DCDC2C: variants seen among roughly 807,000 people sequenced by gnomAD.
The protein encoded by DCDC2C is doublecortin domain containing 2C.
DCDC2C carries 44 observed loss-of-function variants against 45.0 expected under a neutral mutation model. That is an observed-to-expected ratio of 0.98 (90% CI 0.77 to 1.26). The LOEUF (loss-of-function observed/expected upper bound fraction) is 1.26. DCDC2C is among the 50% of genes most tolerant of loss of function. The probability of loss-of-function intolerance (pLI) is 0.00; values close to 1 mark genes in which losing one functional copy is unlikely to be tolerated. For synonymous variants in DCDC2C, 187 were observed against 178.8 expected (o/e 1.05, Z -0.37); for missense variants, 447 against 468.9 (o/e 0.95, Z 0.43).
chr2:3,714,225 A>G (rs949942878), intron 2 of DCDC2C, among the ~76,000 whole-genome samples: 2 of 152,232 alleles, frequency 1.3e-5, no homozygotes, highest in African/African-American at 4.8e-5. Flanking sequence ...TGTAATAGAA[A>G]TGATTTTTAA....
At chr2:3,826,864 T>C (rs1671830708) in intron 10 of DCDC2C, among the ~76,000 whole-genome samples, 1 of 152,150 alleles carries the variant, frequency 6.6e-6, no homozygotes, top group South Asian at 2.1e-4. Flanking sequence ...GCCATGTGCA[T>C]TGCATCTCTG....
At chr2:3,809,339 T>C (rs191204284) in intron 10 of DCDC2C, among the ~76,000 whole-genome samples, 22 of 152,360 alleles carry the variant, frequency 1.4e-4, no homozygotes, top group Admixed American at 1.3e-3. Flanking sequence ...ATCTACATGC[T>C]AATGATATTG....
chr2:3,755,622 T>A (rs1669687955), intron 6 of DCDC2C, among the ~76,000 whole-genome samples: 1 of 152,172 alleles, frequency 6.6e-6, no homozygotes, highest in Non-Finnish European at 1.5e-5. Context: ...TATGGATGCA[T>A]ATGTGTGTGC....
intron 10 of DCDC2C, among the ~76,000 whole-genome samples, chr2:3,846,018 G>A (rs1036188431): frequency 6.6e-6 from 1 of 152,196 alleles, no homozygotes; most frequent in Non-Finnish European, 1.5e-5. Context: ...ACCTGTAGGG[G>A]TTAGGTGGCT....
At chr2:3,705,228 C>T (rs931426005) in intron 1 of DCDC2C, among the ~76,000 whole-genome samples, 2 of 152,156 alleles carry the variant, frequency 1.3e-5, no homozygotes, top group African/African-American at 4.8e-5. Context: ...GTGAATTTAC[C>T]ATTCAGTTGT....
chr2:3,767,352 C>T (rs935918892), intron 6 of DCDC2C, among the ~76,000 whole-genome samples: 5 of 152,216 alleles, frequency 3.3e-5, no homozygotes, highest in African/African-American at 9.6e-5. Flanking sequence ...CCAGCAGGAA[C>T]GGCTTTGTGA....
chr2:3,776,997 C>T lies in DCDC2C; in HGVS notation c.955-1819C>T, dbSNP rs369402779. On this transcript the variant is annotated intron_variant, in intron 8 of 10. Transcript: ENST00000399143. Reference sequence around the variant, plus strand: ...CTCCTGAATGTGTCTGGAATCTCTCCACCCCTCTCTGCCTGTGTTACCATC... The same window carrying T: ...CTCCTGAATGTGTCTGGAATCTCTCTACCCCTCTCTGCCTGTGTTACCATC... 5.9e-5 allele frequency among the ~76,000 whole-genome samples: 9 copies of T among 152,120 alleles called. No individual in the cohort carries two copies. The South Asian group carries it at 8.3e-4, about 14-fold the overall frequency.
At chr2:3,719,660 T>C (rs62106599) in intron 2 of DCDC2C, among the ~76,000 whole-genome samples, 17,029 of 152,244 alleles carry the variant, frequency 0.11, 1,210 homozygotes, top group Non-Finnish European at 0.15. Context: ...CTTGGAATGT[T>C]GGTGGACACT....
chr2:3,766,800 C>T (rs1464039147), intron 6 of DCDC2C, among the ~76,000 whole-genome samples: 2 of 152,182 alleles, frequency 1.3e-5, no homozygotes, highest in African/African-American at 4.8e-5. Context: ...CTAAAAAAGA[C>T]ATTTTGTATC....
At chr2:3,785,661 A>T (rs1157104964) in intron 10 of DCDC2C, among the ~76,000 whole-genome samples, 1 of 152,176 alleles carries the variant, frequency 6.6e-6, no homozygotes, top group African/African-American at 2.4e-5. Flanking sequence ...CGTCAGCAAT[A>T]GCTCTGTCCT....
intron 6 of DCDC2C, among the ~76,000 whole-genome samples, chr2:3,760,900 A>G (rs958396683): frequency 6.6e-6 from 1 of 152,196 alleles, no homozygotes; most frequent in South Asian, 2.1e-4. Context: ...AATGCAGTTT[A>G]GTTATTAGCA....
At chr2:3,729,950 G>T (rs967139275) in intron 3 of DCDC2C, among the ~76,000 whole-genome samples, 24 of 152,190 alleles carry the variant, frequency 1.6e-4, no homozygotes, top group Non-Finnish European at 5.9e-5. Flanking sequence ...GTGAAACTCA[G>T]TCCCTCCTCT....
intron 4 of DCDC2C, among the ~76,000 whole-genome samples, chr2:3,745,719 C>T (rs541461335): frequency 5.3e-5 from 8 of 152,020 alleles, no homozygotes; most frequent in South Asian, 4.2e-4. Flanking sequence ...GGGTTAGAAA[C>T]GAAGACAGTT....
At chr2:3,775,082 T>G (rs1039332750) in intron 8 of DCDC2C, among the ~76,000 whole-genome samples, 1 of 151,970 alleles carries the variant, frequency 6.6e-6, no homozygotes, top group African/African-American at 2.4e-5. Context: ...TTTTTTTTTT[T>G]GGGTGAGGAA....
intron 8 of DCDC2C, among the ~76,000 whole-genome samples, chr2:3,773,662 C>G (rs13015012): frequency 0.24 from 35,846 of 152,212 alleles, 4,408 homozygotes; most frequent in South Asian, 0.36. Flanking sequence ...TTTGTAACTA[C>G]TTTAAGAAGG....
intron 10 of DCDC2C, among the ~76,000 whole-genome samples, chr2:3,803,382 C>T (rs77776326): frequency 2.6e-5 from 4 of 152,320 alleles, no homozygotes; most frequent in Non-Finnish European, 5.9e-5. Context: ...GGCTCCAGTC[C>T]CAAGCACAGA....
chr2:3,742,948 A>C (rs1669258832), intron 4 of DCDC2C, among the ~76,000 whole-genome samples: 2 of 152,152 alleles, frequency 1.3e-5, no homozygotes, highest in Admixed American at 1.3e-4. Context: ...ATGATGATGG[A>C]CTGAAGGTGG....
chr2:3,769,258 G>C, intron 7 of DCDC2C, 53 bp from the exon 8 acceptor site: 1 of 1,506,910 alleles, frequency 6.6e-7, no homozygotes, highest in South Asian at 1.2e-5. Flanking sequence ...ATATGCAGTG[G>C]ACTCCAGCTT....
At chr2:3,705,151 A>C (rs1668033674) in intron 1 of DCDC2C, among the ~76,000 whole-genome samples, 1 of 152,192 alleles carries the variant, frequency 6.6e-6, no homozygotes, top group Non-Finnish European at 1.5e-5. Flanking sequence ...TGTTTTTTGA[A>C]AAAGTAGTAG....
Sources: allele counts gnomAD v4.1 joint callset (sites outside exome capture counted in the v4.1 genomes callset), GRCh38; gene constraint gnomAD v4.1.1; transcripts MANE v1.5; gene names NCBI Gene and HGNC (gene_info 2026-07-23, HGNC 2026-07-21).